SHISA5: variants seen among roughly 807,000 people sequenced by gnomAD.
SHISA5 encodes protein shisa-5.
Under a neutral mutation model 27.5 loss-of-function variants are expected in SHISA5, and 21 were observed. The ratio of observed to expected loss-of-function variants is 0.76; its 90% CI spans 0.54 to 1.10. The LOEUF (loss-of-function observed/expected upper bound fraction) is 1.10, where lower values mean the gene tolerates loss of function less well. Ranked by LOEUF, SHISA5 falls within the 50% of genes least tolerant of loss-of-function variation. The pLI is 0.00. For synonymous variants in SHISA5, 137 were observed against 142.2 expected, an observed-to-expected ratio of 0.96 and a Z score of 0.26; for missense variants, 314 against 336.3, an observed-to-expected ratio of 0.93 and a Z score of 0.52.
intron 2 of SHISA5, among the ~76,000 whole-genome samples, chr3:48,499,921 G>C (rs6776408): frequency 7.8e-6 from 1 of 128,442 alleles, no homozygotes; most frequent in East Asian, 2.8e-4. Context: ...AAGGGTAGAA[G>C]AAGACCTGTC....
At chr3:48,504,277 GGAAGGTGGAA>G, upstream of SHISA5, 1 of 371,840 alleles carries the variant, frequency 2.7e-6, no homozygotes, top group Non-Finnish European at 4.8e-6. This position sits in a 1 kb window ranked among gnomAD's most constrained non-coding sequence, Gnocchi z 4.0. Flanking sequence ...GGAGGAGGGA[GGAAGGTGGAA>G]GGAGGAGGAA....
intron 2 of SHISA5, among the ~76,000 whole-genome samples, chr3:48,482,154 G>A (rs559341582): frequency 6.7e-6 from 1 of 148,852 alleles, no homozygotes; most frequent in African/African-American, 2.5e-5. Context: ...AATTAATAAA[G>A]GTAAGTGCAA....
chr3:48,485,431 G>A (rs934670657), intron 2 of SHISA5, among the ~76,000 whole-genome samples: 26 of 150,722 alleles, frequency 1.7e-4, no homozygotes, highest in African/African-American at 6.3e-4. Context: ...GGAGGTGGAG[G>A]TTGCAGTGAG....
Position 48,469,384 on chromosome 3 carries a change from G to A in SHISA5, c.620C>T (p.Pro207Leu), listed in dbSNP as rs377686826. 5.6e-5 allele frequency: 90 copies of A among 1,596,106 alleles called. No individual in the cohort carries two copies. Among genetic ancestry groups the A allele is most frequent in the African/African-American group, 1.2e-4 (9 of 74,630 alleles). ...ACCAGCCAGGGTCTCGTGGTAGGCC[G>A]GTGGGCCCATGGGCTGGGCTGGGTA... ...PPYPAQPMGP[P>L]AYHETLAGGA... The change falls in exon 5 of 6, where the codon CCG (proline) becomes CTG (leucine). Residue 207 changes from proline (P) to leucine (L), a missense_variant. Physicochemically the swap from Pro to Leu is moderately conservative, Grantham distance 98. Transcript: ENST00000296444. The surrounding 1 kb of genome is among the most constrained non-coding windows in gnomAD (Gnocchi z 4.6).
chr3:48,479,195 T>C lies in SHISA5; in HGVS notation c.296A>G (p.Tyr99Cys). ...LGSALRFRPG[Y>C]NDPMSGFGAT... ...TACTTACCCTGACATGGGGTCGTTGTAGCCAGGGCGAAACCTCAGCGCCGA... is the reference window on the plus strand; with the variant it reads ...TACTTACCCTGACATGGGGTCGTTGCAGCCAGGGCGAAACCTCAGCGCCGA... The change falls in exon 3 of 6, where the codon TAC (tyrosine) becomes TGC (cysteine). Residue 99 changes from tyrosine (Y) to cysteine (C), a missense_variant. Coordinates refer to ENST00000296444, the MANE Select transcript of SHISA5 (RefSeq NM_016479.6). The C allele has an allele frequency of 6.2e-7, 1 of 1,610,338 alleles. No homozygotes were observed.
chr3:48,476,341 C>CAAAA (rs1250491645), intron 3 of SHISA5, among the ~76,000 whole-genome samples: 1 of 62,320 alleles, frequency 1.6e-5, no homozygotes, highest in African/African-American at 6.0e-5. Context: ...AACTCCATCT[C>CAAAA]AAAAAAAAAA....
Position 48,469,242 on chromosome 3 carries a change from G to T in SHISA5, c.644-56C>A. On this transcript the variant is annotated intron_variant, in intron 5 of 5. Transcript: ENST00000296444. The surrounding 1 kb of genome is among the most constrained non-coding windows in gnomAD (Gnocchi z 4.6). ...GAGCATGGTGGGCTGCCGTGTGAGT[G>T]GCAGGCAAGCAGAAAGGGGCAGAGG... 1 of 1,594,502 alleles carries T rather than the reference G, an allele frequency of 6.3e-7. No homozygotes were observed. Among genetic ancestry groups the T allele is most frequent in the Non-Finnish European group, 8.5e-7 (1 of 1,171,118 alleles).
At chr3:48,488,154 T>C (rs1000724409) in intron 2 of SHISA5, among the ~76,000 whole-genome samples, 20 of 151,634 alleles carry the variant, frequency 1.3e-4, no homozygotes, top group African/African-American at 4.6e-4. Context: ...CTTAAAGAGA[T>C]TAAACAAAAG....
At chr3:48,482,695 G>A (rs575094779) in intron 2 of SHISA5, among the ~76,000 whole-genome samples, 5 of 152,082 alleles carry the variant, frequency 3.3e-5, no homozygotes, top group Admixed American at 3.3e-4. Context: ...GAGTGCAGTG[G>A]TGCAATCTCG....
intron 3 of SHISA5, among the ~76,000 whole-genome samples, chr3:48,474,932 C>G (rs1432721088): frequency 6.6e-6 from 1 of 152,174 alleles, no homozygotes; most frequent in Non-Finnish European, 1.5e-5. Flanking sequence ...CCAGGCCCCT[C>G]AGCACATGCC....
intron 1 of SHISA5, chr3:48,503,763 G>GGCA (rs2041821781): frequency 8.1e-7 from 1 of 1,237,062 alleles, no homozygotes; most frequent in South Asian, 3.4e-5. Context: ...TGGGCGGGAG[G>GGCA]GCAGACCCCT....
At chr3:48,483,380 T>C (rs1168571156) in intron 2 of SHISA5, among the ~76,000 whole-genome samples, 3 of 152,088 alleles carry the variant, frequency 2.0e-5, no homozygotes, top group African/African-American at 7.2e-5. Flanking sequence ...ACACAGCACA[T>C]GTTTCAGAGA....
rs1208472222 is a variant in SHISA5 at position 48,494,137 on chromosome 3, C to T, written c.233+7000G>A. On this transcript the variant is annotated intron_variant, in intron 2 of 5. Coordinates refer to ENST00000296444, the MANE Select transcript of SHISA5 (RefSeq NM_016479.6). ...CCTAATCCTGCCACCTCCTAGTCTC[C>T]GGTTACCACCATTTTATTCTGTTTC... Among the ~76,000 whole-genome samples the T allele has an allele frequency of 7.5e-5, 11 of 147,138 alleles. 2 individuals are homozygous for T. Among genetic ancestry groups the T allele is most frequent in the African/African-American group, 2.4e-4 (9 of 37,036 alleles).
At chr3:48,485,974 G>A (rs1000790818) in intron 2 of SHISA5, among the ~76,000 whole-genome samples, 2 of 151,208 alleles carry the variant, frequency 1.3e-5, no homozygotes, top group Non-Finnish European at 1.5e-5. Flanking sequence ...TGTACCTTAA[G>A]AGGAAGGGAG....
intron 2 of SHISA5, among the ~76,000 whole-genome samples, chr3:48,489,026 A>AGG (rs2041339542): frequency 6.6e-6 from 1 of 152,012 alleles, no homozygotes; most frequent in African/African-American, 2.4e-5. Context: ...CACCTGCCAG[A>AGG]GGGGAGAAAG....
intron 3 of SHISA5, chr3:48,477,104 G>GAA (rs759775368): frequency 7.7e-3 from 2,473 of 321,874 alleles, no homozygotes; most frequent in East Asian, 0.013. Flanking sequence ...ATAACATTGA[G>GAA]AAAAAAAAAA....
Position 48,473,297 on chromosome 3 carries a change from C to G in SHISA5, c.315-3454G>C, listed in dbSNP as rs2040709589. On this transcript the variant is annotated intron_variant, in intron 3 of 5. Coordinates refer to ENST00000296444, the MANE Select transcript of SHISA5 (RefSeq NM_016479.6). The surrounding 1 kb of genome is among the most constrained non-coding windows in gnomAD (Gnocchi z 4.3). ...CCCCATTTGCCTCCCAGAGCTGCCT[C>G]CCTGAGCCAAGCCTACAGGGCCTGA... is the stretch of plus-strand genomic sequence containing the variant. 3.6e-6 allele frequency: 5 copies of G among 1,391,896 alleles called. No individual in the cohort carries two copies. Among genetic ancestry groups the G allele is most frequent in the East Asian group, 2.9e-5 (1 of 34,010 alleles). The allele number at this position is 1,391,896 out of a possible 1,614,324, so 86.2% of individuals were successfully genotyped here.
chr3:48,501,615 A>C (rs2041757107), intron 1 of SHISA5, among the ~76,000 whole-genome samples: 1 of 151,904 alleles, frequency 6.6e-6, no homozygotes, highest in South Asian at 2.1e-4. Context: ...CCTAATTCCC[A>C]CTGCTTCAGG....
rs2040709910 is a variant in SHISA5, at chr3:48,473,303, G to A, written c.315-3460C>T. ...TTGCCTCCCAGAGCTGCCTCCCTGA[G>A]CCAAGCCTACAGGGCCTGACCTCAG... On this transcript the variant is annotated intron_variant, in intron 3 of 5. Transcript: ENST00000296444. This position sits in a 1 kb window ranked among gnomAD's most constrained non-coding sequence, Gnocchi z 4.3. 11 of 1,387,858 alleles carry A rather than the reference G, an allele frequency of 7.9e-6. No individual in the cohort carries two copies. The highest frequency in any genetic ancestry group is 1.0e-5 in the Non-Finnish European group (11 of 1,061,904). The allele number at this position is 1,387,858 out of a possible 1,614,324, so 86.0% of individuals were successfully genotyped here.
Sources: allele counts gnomAD v4.1 joint callset (sites outside exome capture counted in the v4.1 genomes callset), GRCh38; gene constraint gnomAD v4.1.1; non-coding constraint Gnocchi (gnomAD v3.1); transcripts MANE v1.5; gene names NCBI Gene and HGNC (gene_info 2026-07-23, HGNC 2026-07-21).